The following MBOAT1 variants were observed in gnomAD, a reference collection of about 807,000 sequenced individuals.
The protein encoded by MBOAT1 is membrane bound glycerophospholipid O-acyltransferase 1.
MBOAT1 carries 67 observed loss-of-function variants against 64.4 expected under a neutral mutation model. That is an observed-to-expected ratio of 1.04 (90% CI 0.85 to 1.27). MBOAT1 has a LOEUF of 1.27. MBOAT1 is among the 50% of genes most tolerant of loss of function. MBOAT1 has a pLI of 0.00. For missense variants in MBOAT1, 563 were observed against 604.6 expected (o/e 0.93, Z 0.72); for synonymous variants, 229 against 218.9 (o/e 1.05, Z -0.41).
At chr6:20,143,331 C>T (rs1033083463) in intron 4 of MBOAT1, among the ~76,000 whole-genome samples, 10 of 152,138 alleles carry the variant, frequency 6.6e-5, no homozygotes, top group African/African-American at 2.4e-4. Context: ...CGTGGCCCAC[C>T]ACATTAAGGC....
At chr6:20,200,361 G>A (rs1763085809) in intron 1 of MBOAT1, among the ~76,000 whole-genome samples, 1 of 152,184 alleles carries the variant, frequency 6.6e-6, no homozygotes, top group Admixed American at 6.5e-5. Flanking sequence ...CCTTCAAAAT[G>A]TATTATTTTA....
intron 1 of MBOAT1, among the ~76,000 whole-genome samples, chr6:20,179,390 A>G (rs999923335): frequency 4.6e-5 from 7 of 152,128 alleles, no homozygotes; most frequent in Non-Finnish European, 1.0e-4. Flanking sequence ...TCCCACTTAT[A>G]AGTGAAAACA....
At chr6:20,146,194 G>A (rs1443668252) in intron 3 of MBOAT1, among the ~76,000 whole-genome samples, 1 of 152,132 alleles carries the variant, frequency 6.6e-6, no homozygotes, top group African/African-American at 2.4e-5. Context: ...AAACAGGGAA[G>A]AGGTATTTTC....
chr6:20,195,649 C>A (rs1466117121), intron 1 of MBOAT1, among the ~76,000 whole-genome samples: 1 of 151,018 alleles, frequency 6.6e-6, no homozygotes, highest in Non-Finnish European at 1.5e-5. Context: ...GTGCACTAAT[C>A]CTTGAATATA....
chr6:20,212,453 C>T lies in MBOAT1; in HGVS notation c.-219G>A. The T allele has an allele frequency of 1.8e-6, 1 of 557,952 alleles. No homozygotes were observed. The highest frequency in any genetic ancestry group is 2.0e-5 in the African/African-American group (1 of 50,570). 34.6% of individuals were successfully genotyped at this position (557,952 alleles called of 1,614,324 possible). On this transcript the variant is annotated 5_prime_UTR_variant, in exon 1 of 13. In the 5' UTR this introduces an upstream ATG that the reference lacks. Coordinates refer to ENST00000324607, the MANE Select transcript of MBOAT1 (RefSeq NM_001080480.3). ...GGCTTTGGCGCTGGCGCTGCAGCCA[C>T]GGGCGCCGTAGGAGGGCCGGGCCCA...
intron 4 of MBOAT1, among the ~76,000 whole-genome samples, chr6:20,136,310 T>C (rs551730677): frequency 6.6e-6 from 1 of 152,340 alleles, no homozygotes; most frequent in African/African-American, 2.4e-5. Flanking sequence ...TTCAAAAATT[T>C]AACTTCTATA....
chr6:20,119,811 A>G (rs1171615186), intron 8 of MBOAT1, among the ~76,000 whole-genome samples: 1 of 152,212 alleles, frequency 6.6e-6, no homozygotes, highest in Non-Finnish European at 1.5e-5. Flanking sequence ...TTCGTGAGTG[A>G]CAGAGATCAA....
chr6:20,182,479 T>C (rs1333218281), intron 1 of MBOAT1, among the ~76,000 whole-genome samples: 1 of 152,174 alleles, frequency 6.6e-6, no homozygotes. Context: ...CCTGAGTCCA[T>C]ACATAATTAA....
chr6:20,185,903 A>G (rs61150901), intron 1 of MBOAT1, among the ~76,000 whole-genome samples: 4,645 of 152,162 alleles, frequency 0.031, 227 homozygotes, highest in African/African-American at 0.1. Flanking sequence ...CCCATCAATA[A>G]ATGATTTGGG....
chr6:20,177,022 T>A (rs559081853), intron 1 of MBOAT1, among the ~76,000 whole-genome samples: 213 of 152,320 alleles, frequency 1.4e-3, no homozygotes, highest in African/African-American at 4.8e-3. Context: ...TACACAGCTA[T>A]TTCATACATA....
intron 8 of MBOAT1, among the ~76,000 whole-genome samples, chr6:20,122,541 T>C (rs7767566): frequency 0.058 from 8,794 of 152,204 alleles, 785 homozygotes; most frequent in African/African-American, 0.2. Flanking sequence ...CATTGTAAAT[T>C]TTACAAAAGC....
intron 1 of MBOAT1, among the ~76,000 whole-genome samples, chr6:20,208,229 C>G (rs1170496364): frequency 1.3e-5 from 2 of 151,814 alleles, no homozygotes; most frequent in Non-Finnish European, 2.9e-5. Context: ...AGGCGGATCA[C>G]AAGGTCAGGA....
In MBOAT1 at chr6:20,184,881, G is replaced by C. The variant is rs1762606401; in HGVS notation, c.99+27255C>G. Among the ~76,000 whole-genome samples the C allele has an allele frequency of 8.0e-4, 12 of 15,060 alleles. No individual in the cohort carries two copies. In the Admixed American group the frequency reaches 0.011, roughly 13 times the overall value. The allele number at this position is 15,060 out of a possible 152,430, so 9.9% of individuals were successfully genotyped here. On this transcript the variant is annotated intron_variant, in intron 1 of 12. Transcript: ENST00000324607. ...ATATGTACCTAACATTATAACTGCA[G>C]TGTGTGTGTGTGTGTGTGTGTGTGT...
intron 1 of MBOAT1, among the ~76,000 whole-genome samples, chr6:20,170,508 C>T (rs1762159429): frequency 6.6e-6 from 1 of 152,118 alleles, no homozygotes; most frequent in Non-Finnish European, 1.5e-5. Flanking sequence ...AATCAATCAC[C>T]TCATATTATT....
In MBOAT1 at chr6:20,112,632, T is replaced by C. The variant is rs148378965; in HGVS notation, c.1209+244A>G. ...CTCTTAGGGTACTAAACATTGTCCC[T>C]AAAATTCCTTTTGTTTCACGAACTA... On this transcript the variant is annotated intron_variant, in intron 11 of 12. Transcript: ENST00000324607. Among the ~76,000 whole-genome samples, 1,022 of 152,358 alleles carry C rather than the reference T, an allele frequency of 6.7e-3. 12 individuals carry two copies. The highest frequency in any genetic ancestry group is 0.023 in the African/African-American group (972 of 41,590).
chr6:20,181,551 T>C (rs1430113198), intron 1 of MBOAT1, among the ~76,000 whole-genome samples: 1 of 152,208 alleles, frequency 6.6e-6, no homozygotes. Context: ...AGAGAGCCTC[T>C]CTCTGACTTC....
chr6:20,201,925 T>A (rs1187802791), intron 1 of MBOAT1, among the ~76,000 whole-genome samples: 3 of 150,952 alleles, frequency 2.0e-5, no homozygotes, highest in African/African-American at 7.3e-5. Context: ...AAATAAAAGC[T>A]TTAAAAAAAT....
chr6:20,137,717 AAC>A (rs35794753), intron 4 of MBOAT1, among the ~76,000 whole-genome samples: 99,669 of 149,922 alleles, frequency 0.66, 33,650 homozygotes, highest in Middle Eastern at 0.8. Flanking sequence ...CCCAAAATTA[AAC>A]ACACACACAC....
At chr6:20,106,961 C>T (rs554703748) in intron 12 of MBOAT1, among the ~76,000 whole-genome samples, 2 of 152,254 alleles carry the variant, frequency 1.3e-5, no homozygotes, top group Non-Finnish European at 2.9e-5. Flanking sequence ...TTCCTGCCTA[C>T]GCCTAGTTGT....
Sources: allele counts gnomAD v4.1 joint callset (sites outside exome capture counted in the v4.1 genomes callset), GRCh38; gene constraint gnomAD v4.1.1; transcripts MANE v1.5; gene names NCBI Gene and HGNC (gene_info 2026-07-23, HGNC 2026-07-21).